LBP: variants seen among roughly 807,000 people sequenced by gnomAD.
The protein encoded by LBP is lipopolysaccharide binding protein, also known as lipopolysaccharide-binding protein.
Under a neutral mutation model 56.6 loss-of-function variants are expected in LBP, and 53 were observed. That is an observed-to-expected ratio of 0.94 (90% CI 0.75 to 1.18). The LOEUF is 1.18. Among genes scored for constraint, LBP ranks in the 50% most tolerant of loss-of-function variants. The pLI is 0.00. For synonymous variants in LBP, 227 were observed against 247.5 expected (o/e 0.92, Z 0.78); for missense variants, 601 against 598.3 (o/e 1.00, Z -0.05).
intron 5 of LBP, among the ~76,000 whole-genome samples, chr20:38,355,648 C>T (rs1360391198): frequency 6.6e-6 from 1 of 152,150 alleles, no homozygotes; most frequent in African/African-American, 2.4e-5. Context: ...AAGGGTTAAA[C>T]AGCAGGGGCT....
intron 5 of LBP, among the ~76,000 whole-genome samples, chr20:38,358,928 C>A (rs1219093846): frequency 6.6e-6 from 1 of 152,208 alleles, no homozygotes; most frequent in East Asian, 1.9e-4. Flanking sequence ...GAGTTTCAGG[C>A]AGCGTCTCCA....
At chr20:38,376,312 C>T (rs2083958140) in intron 14 of LBP, among the ~76,000 whole-genome samples, 1 of 152,156 alleles carries the variant, frequency 6.6e-6, no homozygotes, top group South Asian at 2.1e-4. Context: ...CAGGAGAGTA[C>T]ACCCTAGCAG....
rs587732305 is a variant in LBP at position 38,374,784 on chromosome 20, C to CTTT, written c.1401+786_1401+788dup. On this transcript the variant is annotated intron_variant, in intron 14 of 14. Transcript: ENST00000217407. ...TAAACAAGTACTACAACCATATATA[C>CTTT]TTTTTTTTTTTTTTTTTGAGACAGA... Among the ~76,000 whole-genome samples, 49 of 121,236 alleles carry CTTT rather than the reference C, an allele frequency of 4.0e-4. 1 individual carries two copies. The highest frequency in any genetic ancestry group is 5.0e-4 in the Non-Finnish European group (30 of 59,660). 79.5% of individuals were successfully genotyped at this position (121,236 alleles called of 152,430 possible). A position where few individuals can be genotyped will look rare whatever the true frequency, so the allele number is the denominator to read the frequency against.
chr20:38,354,132 T>G, intron 3 of LBP, 152 bp from the exon 4 acceptor site: 1 of 582,132 alleles, frequency 1.7e-6, no homozygotes, highest in Non-Finnish European at 2.8e-6. Flanking sequence ...ATCTGGGCTT[T>G]CTTCTAGATC....
chr20:38,354,388 G>C lies in LBP; in HGVS notation c.473G>C (p.Ser158Thr). Reference protein sequence around the residue: ...SSGRPTVTASSCSSDIADVEV... With the variant: ...SSGRPTVTASTCSSDIADVEV... ...GGGAGGCCCACAGTTACTGCCTCCA[G>C]CTGCAGCAGTGACATCGCTGACGTG... Residue 158 changes from serine (S) to threonine (T), a missense_variant, in exon 4 of 15, where the codon AGC (serine) becomes ACC (threonine). Coordinates refer to ENST00000217407, the MANE Select transcript of LBP (RefSeq NM_004139.5). The C allele has an allele frequency of 6.2e-7, 1 of 1,613,572 alleles. No homozygotes were observed. Among genetic ancestry groups the C allele is most frequent in the Non-Finnish European group, 8.5e-7 (1 of 1,179,944 alleles).
intron 5 of LBP, among the ~76,000 whole-genome samples, chr20:38,355,702 G>A (rs867361457): frequency 3.9e-5 from 6 of 152,092 alleles, no homozygotes; most frequent in Admixed American, 2.6e-4. Context: ...CTTGCTCAGT[G>A]CCCCACACTG....
intron 4 of LBP, 94 bp from the exon 5 acceptor site, chr20:38,355,252 C>T: frequency 8.8e-7 from 1 of 1,136,122 alleles, no homozygotes; most frequent in Admixed American, 1.7e-5. Context: ...AGAGGGCTCC[C>T]TTTGTGGACT....
intron 3 of LBP, among the ~76,000 whole-genome samples, chr20:38,352,421 C>T (rs2076823542): frequency 6.6e-6 from 1 of 152,182 alleles, no homozygotes; most frequent in East Asian, 1.9e-4. Context: ...GTATGCAACA[C>T]TGGATTTGAA....
At chr20:38,366,909 C>G in intron 9 of LBP, 81 bp downstream of exon 9, 1 of 1,281,434 alleles carries the variant, frequency 7.8e-7, no homozygotes, top group South Asian at 1.2e-5. Flanking sequence ...CTCTGCATCT[C>G]TCAGCTTGAC....
chr20:38,368,034 A>G (rs6123638), intron 9 of LBP, among the ~76,000 whole-genome samples: 2,553 of 152,184 alleles, frequency 0.017, 101 homozygotes, highest in East Asian at 0.16. Flanking sequence ...TCTATTTTAG[A>G]AAGAAAAGTT....
chr20:38,360,122 C>T (rs2076854397), intron 5 of LBP, among the ~76,000 whole-genome samples: 1 of 152,090 alleles, frequency 6.6e-6, no homozygotes, highest in Non-Finnish European at 1.5e-5. Flanking sequence ...CGTGGTGGCA[C>T]ATGCCTGTGA....
chr20:38,364,244 G>A (rs755238210), intron 7 of LBP, among the ~76,000 whole-genome samples, 178 bp downstream of exon 7: 6 of 152,082 alleles, frequency 3.9e-5, no homozygotes, highest in African/African-American at 1.2e-4. Flanking sequence ...ATTCTCCCAC[G>A]GCTGTCTTAC....
Position 38,346,597 on chromosome 20 carries a change from C to A in LBP, c.81C>A (p.Asn27Lys). ...LTSTPEALGANPGLVARITDK... is the reference protein window; with the variant it reads ...LTSTPEALGAKPGLVARITDK... Reference sequence around the variant, plus strand: ...CCACCCCAGAGGCTCTGGGTGCCAACCCCGGCTTGGTCGCCAGGATCACCG... The same window carrying A: ...CCACCCCAGAGGCTCTGGGTGCCAAACCCGGCTTGGTCGCCAGGATCACCG... The change falls in exon 1 of 15, where the codon AAC becomes AAA. Residue 27 changes from asparagine to lysine, a missense_variant. Physicochemically the swap from Asn to Lys is moderately conservative, Grantham distance 94. Coordinates refer to ENST00000217407, the MANE Select transcript of LBP (RefSeq NM_004139.5). The A allele has an allele frequency of 1.2e-6, 2 of 1,613,744 alleles. No individual in the cohort carries two copies. The highest frequency in any genetic ancestry group is 1.7e-6 in the Non-Finnish European group (2 of 1,180,010).
In LBP at chr20:38,369,176, C is replaced by A; in HGVS notation, c.1149+14C>A. 5 of 1,597,682 alleles carry A rather than the reference C, an allele frequency of 3.1e-6. No homozygotes were observed. The highest frequency in any genetic ancestry group is 4.3e-6 in the Non-Finnish European group (5 of 1,173,428). Reference sequence around the variant, plus strand: ...CGGCTCAGTGTGGTAAGGTTCAGAGCCTTTGCAAATGCTGTTTCCTTTTCC... The same window carrying A: ...CGGCTCAGTGTGGTAAGGTTCAGAGACTTTGCAAATGCTGTTTCCTTTTCC... On this transcript the variant is annotated intron_variant, in intron 10 of 14. Coordinates refer to ENST00000217407, the MANE Select transcript of LBP (RefSeq NM_004139.5).
chr20:38,349,640 C>G lies in LBP; in HGVS notation c.217C>G (p.Arg73Gly). The change falls in exon 2 of 15, where the codon CGT becomes GGT. Residue 73 changes from arginine (R) to glycine (G), a missense_variant. Physicochemically the swap from Arg to Gly is moderately radical, Grantham distance 125. Transcript: ENST00000217407. ...TGDLRIPHVGRGRYEFHSLNI... is the reference protein window; with the variant it reads ...TGDLRIPHVGGGRYEFHSLNI... ...GGACTTGAGGATCCCCCACGTCGGC[C>G]GTGGGCGCTATGAGTTCCACAGGTG... is the stretch of plus-strand genomic sequence containing the variant. 1 of 1,608,208 alleles carries G rather than the reference C, an allele frequency of 6.2e-7. No individual in the cohort carries two copies. The highest frequency in any genetic ancestry group is 8.5e-7 in the Non-Finnish European group (1 of 1,177,532).
intron 3 of LBP, among the ~76,000 whole-genome samples, chr20:38,353,844 C>A (rs2076829138): frequency 6.6e-6 from 1 of 151,884 alleles, no homozygotes; most frequent in East Asian, 1.9e-4. Context: ...ATTTCCTGTT[C>A]ATATCTTTTT....
At chr20:38,372,700 T>A (rs984764231) in intron 12 of LBP, among the ~76,000 whole-genome samples, 1 of 152,080 alleles carries the variant, frequency 6.6e-6, no homozygotes, top group Non-Finnish European at 1.5e-5. Context: ...TGGCATATAG[T>A]GGGGGTTAGA....
intron 9 of LBP, among the ~76,000 whole-genome samples, chr20:38,368,751 G>C (rs1202637128): frequency 6.6e-6 from 1 of 152,198 alleles, no homozygotes; most frequent in Non-Finnish European, 1.5e-5. Context: ...GCCCAATAGA[G>C]TTTAATCCAT....
rs73287213 is a variant in LBP, at chr20:38,366,730, G to T, written c.922-39G>T. On this transcript the variant is annotated intron_variant, in intron 8 of 14. Transcript: ENST00000217407. Reference sequence around the variant, plus strand: ...TCTTCTTTAGACCTTCAGCTCCAGCGGGAGCACCCTAAAACTTCTTCATGT... The same window carrying T: ...TCTTCTTTAGACCTTCAGCTCCAGCTGGAGCACCCTAAAACTTCTTCATGT... The T allele has an allele frequency of 3.1e-6, 5 of 1,590,644 alleles. No homozygotes were observed. The East Asian group carries it at 1.1e-4, about 36-fold the overall frequency.
Sources: gnomAD v4.1 joint callset for allele counts (sites outside exome capture counted in the v4.1 genomes callset) on GRCh38, gnomAD v4.1.1 for gene constraint, MANE v1.5 for transcripts, NCBI Gene and HGNC (gene_info 2026-07-23, HGNC 2026-07-21) for gene names.